EIF3J: variants seen among roughly 807,000 people sequenced by gnomAD.
EIF3J encodes the protein eukaryotic translation initiation factor 3 subunit J.
In EIF3J, 15 loss-of-function variants were observed where a neutral mutation model predicts 39.0. The ratio of observed to expected loss-of-function variants is 0.38; its 90% CI spans 0.26 to 0.59. The LOEUF is 0.59. Among genes scored for constraint, EIF3J ranks in the 20% least tolerant of loss-of-function variants. The pLI is 0.60. For synonymous variants in EIF3J, 98 were observed against 112.9 expected, an observed-to-expected ratio of 0.87 and a Z score of 0.84; for missense variants, 226 against 308.6, an observed-to-expected ratio of 0.73 and a Z score of 2.00.
chr15:44,561,280 A>G lies in EIF3J; in HGVS notation c.*131A>G. 9.2e-7 allele frequency: 1 copy of G among 1,092,448 alleles called. No homozygotes were observed. Among genetic ancestry groups the G allele is most frequent in the Non-Finnish European group, 1.3e-6 (1 of 786,834 alleles). 67.7% of individuals were successfully genotyped at this position (1,092,448 alleles called of 1,614,324 possible). On this transcript the variant is annotated 3_prime_UTR_variant, in exon 8 of 8. Coordinates refer to ENST00000261868, the MANE Select transcript of EIF3J (RefSeq NM_003758.4). ...CAGTATCTTTTGTGCTGGTTATTTA[A>G]CCCCTTGACACTTAGGTGCTAATGT...
At chr15:44,544,096 TTC>T (rs1462096241) in intron 2 of EIF3J, among the ~76,000 whole-genome samples, 2 of 6,018 alleles carry the variant, frequency 3.3e-4, no homozygotes, top group African/African-American at 1.6e-3. Flanking sequence ...TTCTTTTCTT[TTC>T]TTTTTTTTTT....
chr15:44,538,478 C>T (rs1228726574), intron 2 of EIF3J, among the ~76,000 whole-genome samples: 1 of 151,920 alleles, frequency 6.6e-6, no homozygotes, highest in Non-Finnish European at 1.5e-5. Context: ...AACGGAGAAC[C>T]CTATAAATCC....
Position 44,557,661 on chromosome 15 carries a change from C to T in EIF3J, c.571+11C>T, listed in dbSNP as rs755524494. 4 of 1,444,926 alleles carry T rather than the reference C, an allele frequency of 2.8e-6. No homozygotes were observed. In the Admixed American group the frequency reaches 1.0e-4, roughly 38 times the overall value. The allele number at this position is 1,444,926 out of a possible 1,614,324, so 89.5% of individuals were successfully genotyped here. On this transcript the variant is annotated intron_variant, in intron 6 of 7. Coordinates refer to ENST00000261868, the MANE Select transcript of EIF3J (RefSeq NM_003758.4). ...ATGTGTGTATTTCATGTAAGTAATTCTAATTTCTAGCCCCTCTGGGTAGAT... is the reference window on the plus strand; with the variant it reads ...ATGTGTGTATTTCATGTAAGTAATTTTAATTTCTAGCCCCTCTGGGTAGAT...
chr15:44,546,204 C>G (rs1197938278), intron 2 of EIF3J, among the ~76,000 whole-genome samples: 1 of 152,178 alleles, frequency 6.6e-6, no homozygotes, highest in Non-Finnish European at 1.5e-5. Context: ...AACGTTTGAT[C>G]TCTAATTTCT....
intron 4 of EIF3J, among the ~76,000 whole-genome samples, chr15:44,552,762 G>A (rs551978000): frequency 6.6e-6 from 1 of 152,250 alleles, no homozygotes; most frequent in African/African-American, 2.4e-5. Context: ...ATTTCACCGT[G>A]TTGGCCAGGT....
chr15:44,550,687 G>C, intron 2 of EIF3J, 189 bp from the exon 3 acceptor site: 1 of 466,994 alleles, frequency 2.1e-6, no homozygotes. Context: ...CAAATGGAAA[G>C]ACAGTTCTTA....
intron 2 of EIF3J, among the ~76,000 whole-genome samples, chr15:44,541,314 T>A (rs1486508964): frequency 2.0e-5 from 3 of 152,212 alleles, no homozygotes; most frequent in Admixed American, 1.3e-4. Context: ...AGCATTTCAG[T>A]AGAACAGTTT....
intron 2 of EIF3J, among the ~76,000 whole-genome samples, chr15:44,539,240 G>C (rs2081987854): frequency 6.6e-6 from 1 of 151,774 alleles, no homozygotes; most frequent in African/African-American, 2.4e-5. Context: ...TGCCCAGGCT[G>C]GTCTTGAACT....
chr15:44,545,991 G>C (rs1174386307), intron 2 of EIF3J, among the ~76,000 whole-genome samples: 4 of 152,052 alleles, frequency 2.6e-5, no homozygotes, highest in African/African-American at 4.8e-5. Context: ...TTCTCAGAAG[G>C]GTTTTAAATA....
Position 44,537,357 on chromosome 15 carries a change from G to A in EIF3J, c.77G>A (p.Arg26Gln). The A allele has an allele frequency of 6.4e-7, 1 of 1,567,190 alleles. No individual in the cohort carries two copies. The highest frequency in any genetic ancestry group is 2.4e-5 in the East Asian group (1 of 42,550). The change falls in exon 2 of 8, where the codon CGG becomes CAG. Residue 26 changes from arginine (R) to glutamine (Q), a missense_variant. Around this residue, in one of 2 missense-constraint regions of EIF3J, gnomAD observed 143 missense variants for 156.0 expected, o/e 0.92. Coordinates refer to ENST00000261868, the MANE Select transcript of EIF3J (RefSeq NM_003758.4). ...GCTTTCTCCGTGGAAGACCCAGTGC[G>A]GAAGGTGGGGGGCGGCGGCACTGCC... ...ADAFSVEDPV[R>Q]KVGGGGTAGG...
At chr15:44,542,202 T>A (rs2082019487) in intron 2 of EIF3J, among the ~76,000 whole-genome samples, 1 of 152,182 alleles carries the variant, frequency 6.6e-6, no homozygotes, top group Non-Finnish European at 1.5e-5. Flanking sequence ...AGCATAGTTC[T>A]GAGATGGTGG....
intron 2 of EIF3J, among the ~76,000 whole-genome samples, chr15:44,540,409 A>T (rs749145857): frequency 6.0e-5 from 9 of 150,508 alleles, no homozygotes; most frequent in Non-Finnish European, 1.0e-4. Context: ...TGACCTATTT[A>T]TTTTGAGACG....
At chr15:44,542,136 A>G (rs1200211299) in intron 2 of EIF3J, among the ~76,000 whole-genome samples, 3 of 152,216 alleles carry the variant, frequency 2.0e-5, no homozygotes, top group African/African-American at 7.2e-5. Context: ...AGCTTAATGA[A>G]TTGAATTAAA....
intron 2 of EIF3J, among the ~76,000 whole-genome samples, chr15:44,545,215 T>C (rs903162222): frequency 1.3e-5 from 2 of 152,194 alleles, no homozygotes; most frequent in Non-Finnish European, 2.9e-5. Context: ...TATAATACTA[T>C]TTTTATTTTT....
chr15:44,551,470 T>C lies in EIF3J; in HGVS notation c.242T>C (p.Ile81Thr), dbSNP rs2082098485. 1 of 1,588,454 alleles carries C rather than the reference T, an allele frequency of 6.3e-7. No homozygotes were observed. The highest frequency in any genetic ancestry group is 8.5e-7 in the Non-Finnish European group (1 of 1,171,700). ...GAAAAGAAAAAAATAGCAGAGAAGA[T>C]AAAAGAGAAAGAACGGCAACAGAAG... is the stretch of plus-strand genomic sequence containing the variant. ...ISEKKKIAEKIKEKERQQKKR... is the reference protein window; with the variant it reads ...ISEKKKIAEKTKEKERQQKKR... Residue 81 changes from isoleucine to threonine, a missense_variant, in exon 4 of 8, where the codon ATA becomes ACA. Ile to Thr is a moderately conservative substitution (Grantham distance 89, BLOSUM62 -1). This residue lies in a region of EIF3J where 143 missense variants were observed against 156.0 expected (regional missense o/e 0.92). Coordinates refer to ENST00000261868, the MANE Select transcript of EIF3J (RefSeq NM_003758.4).
At chr15:44,552,392 A>G (rs931025817) in intron 4 of EIF3J, among the ~76,000 whole-genome samples, 2 of 151,518 alleles carry the variant, frequency 1.3e-5, no homozygotes, top group Non-Finnish European at 2.9e-5. Context: ...TTACAGGCAC[A>G]CGCAACCATG....
intron 2 of EIF3J, among the ~76,000 whole-genome samples, chr15:44,539,200 A>G (rs1249792823): frequency 6.7e-6 from 1 of 149,130 alleles, no homozygotes; most frequent in Non-Finnish European, 1.5e-5. Context: ...CTAATTTTGT[A>G]TTTTTAGTAG....
intron 2 of EIF3J, among the ~76,000 whole-genome samples, chr15:44,544,703 T>TAA (rs34101594): frequency 0.057 from 4,859 of 85,388 alleles, 233 homozygotes; most frequent in African/African-American, 0.094. Context: ...AAACTCCATT[T>TAA]AAAAAAAAAA....
chr15:44,542,218 C>T (rs1202626831), intron 2 of EIF3J, among the ~76,000 whole-genome samples: 1 of 152,158 alleles, frequency 6.6e-6, no homozygotes, highest in Non-Finnish European at 1.5e-5. Context: ...GGTGGAAGAA[C>T]ATTTTGGCTT....
Sources: allele counts gnomAD v4.1 joint callset (sites outside exome capture counted in the v4.1 genomes callset), GRCh38; gene constraint gnomAD v4.1.1; regional missense constraint gnomAD v4.1.1; transcripts MANE v1.5; gene names NCBI Gene and HGNC (gene_info 2026-07-23, HGNC 2026-07-21).